ARHGAP44: variants seen among roughly 807,000 people sequenced by gnomAD.
ARHGAP44 encodes the protein Rho GTPase activating protein 44, also known as rho GTPase-activating protein 44.
In ARHGAP44, 43 loss-of-function variants were observed where a neutral mutation model predicts 106.8. That is an observed-to-expected ratio of 0.40 (90% CI 0.32 to 0.52). ARHGAP44 has a LOEUF of 0.52. ARHGAP44 is among the 20% of genes least tolerant of loss of function. The pLI, the probability that ARHGAP44 is intolerant of heterozygous loss-of-function variation, is 0.48. For synonymous variants in ARHGAP44, 439 were observed against 410.3 expected (o/e 1.07, Z -0.85); for missense variants, 866 against 1,050.5 (o/e 0.82, Z 2.43).
chr17:12,876,823 A>G (rs1389605076), intron 1 of ARHGAP44, among the ~76,000 whole-genome samples: 2 of 151,642 alleles, frequency 1.3e-5, no homozygotes, highest in South Asian at 4.2e-4. Flanking sequence ...AGGCAAGAGA[A>G]TCACTTGAAC....
At chr17:12,972,464 A>G (rs1218782337) in intron 16 of ARHGAP44, among the ~76,000 whole-genome samples, 1 of 151,808 alleles carries the variant, frequency 6.6e-6, no homozygotes, top group Non-Finnish European at 1.5e-5. Flanking sequence ...CCTGGCCAAG[A>G]TGGTTAAACC....
chr17:12,869,069 G>A (rs1021686398), intron 1 of ARHGAP44, among the ~76,000 whole-genome samples: 2 of 152,122 alleles, frequency 1.3e-5, no homozygotes, highest in African/African-American at 4.8e-5. Flanking sequence ...GACATTTGAG[G>A]TTAAAACATC....
intron 1 of ARHGAP44, among the ~76,000 whole-genome samples, chr17:12,840,678 A>G (rs2035364480): frequency 6.6e-6 from 1 of 152,204 alleles, no homozygotes; most frequent in South Asian, 2.1e-4. Flanking sequence ...TAGGGCTCCC[A>G]CTCATCATCA....
At chr17:12,940,786 C>G (rs966556639) in intron 7 of ARHGAP44, among the ~76,000 whole-genome samples, 3 of 152,178 alleles carry the variant, frequency 2.0e-5, no homozygotes, top group Non-Finnish European at 4.4e-5. Flanking sequence ...GCACATCACT[C>G]CTCTACACCA....
In ARHGAP44 at chr17:12,929,054, C is replaced by T. The variant is rs762777880; in HGVS notation, c.582+8C>T. 2.5e-6 allele frequency: 4 copies of T among 1,605,142 alleles called. No individual in the cohort carries two copies. Among genetic ancestry groups the T allele is most frequent in the Non-Finnish European group, 3.4e-6 (4 of 1,175,152 alleles). On this transcript the variant is annotated splice_region_variant and intron_variant, in intron 7 of 20. Transcript: ENST00000379672. ...AGAGTGGAGATTTGCAGGGTACCTGCCCTCTTTGCTCCTCTCTACTGGGAC... is the reference window on the plus strand; with the variant it reads ...AGAGTGGAGATTTGCAGGGTACCTGTCCTCTTTGCTCCTCTCTACTGGGAC...
At chr17:12,920,843 C>A (rs1419180037) in intron 6 of ARHGAP44, among the ~76,000 whole-genome samples, 1 of 152,140 alleles carries the variant, frequency 6.6e-6, no homozygotes, top group East Asian at 1.9e-4. Flanking sequence ...CCAGAGTCCA[C>A]CAGAAAATTC....
chr17:12,919,251 T>A (rs2038003373), intron 5 of ARHGAP44, among the ~76,000 whole-genome samples: 1 of 152,192 alleles, frequency 6.6e-6, no homozygotes, highest in Non-Finnish European at 1.5e-5. Context: ...ACCGTACACC[T>A]GAAATATATA....
chr17:12,968,041 C>T (rs542639692), intron 16 of ARHGAP44, among the ~76,000 whole-genome samples: 10 of 152,236 alleles, frequency 6.6e-5, no homozygotes, highest in African/African-American at 2.2e-4. Context: ...GAGCATTGAA[C>T]GAAATATTGC....
At chr17:12,851,604 T>C (rs1220321884) in intron 1 of ARHGAP44, among the ~76,000 whole-genome samples, 1 of 152,126 alleles carries the variant, frequency 6.6e-6, no homozygotes, top group African/African-American at 2.4e-5. Context: ...CCAGCTAAGT[T>C]GGTATTTTTA....
At chr17:12,981,493 G>C (rs2039828982) in intron 19 of ARHGAP44, among the ~76,000 whole-genome samples, 1 of 151,870 alleles carries the variant, frequency 6.6e-6, no homozygotes, top group Admixed American at 6.5e-5. Flanking sequence ...CGCCTCCTGG[G>C]TTCAAGCGAT....
intron 13 of ARHGAP44, among the ~76,000 whole-genome samples, chr17:12,953,665 T>C (rs1397983037): frequency 1.3e-5 from 2 of 152,232 alleles, no homozygotes; most frequent in South Asian, 2.1e-4. Flanking sequence ...GGTATGTTCA[T>C]GTAACGGATG....
chr17:12,904,586 G>A (rs537770429), intron 3 of ARHGAP44, among the ~76,000 whole-genome samples: 10 of 152,252 alleles, frequency 6.6e-5, no homozygotes, highest in African/African-American at 2.2e-4. Flanking sequence ...TCAATGATCT[G>A]TGTAACCATT....
In ARHGAP44 at chr17:12,853,250, G is replaced by A. The variant is rs181767552; in HGVS notation, c.54-41690G>A. Among the ~76,000 whole-genome samples the A allele has an allele frequency of 2.7e-3, 415 of 152,272 alleles. 3 individuals carry two copies. The highest frequency in any genetic ancestry group is 6.0e-3 in the Admixed American group (92 of 15,294). On this transcript the variant is annotated intron_variant, in intron 1 of 20. Coordinates refer to ENST00000379672, the MANE Select transcript of ARHGAP44 (RefSeq NM_014859.6). ...GCAGGAAGCCTCCAGCACGGGAGAA[G>A]GATGGAGGCCAGAAGACTCAGCAAA...
intron 3 of ARHGAP44, among the ~76,000 whole-genome samples, chr17:12,907,768 G>T (rs1317190251): frequency 6.6e-6 from 1 of 152,038 alleles, no homozygotes; most frequent in East Asian, 1.9e-4. Flanking sequence ...GAATAGTGTT[G>T]CTCTTCACAT....
intron 1 of ARHGAP44, among the ~76,000 whole-genome samples, chr17:12,838,151 A>T (rs2035290885): frequency 6.6e-6 from 1 of 152,176 alleles, no homozygotes; most frequent in East Asian, 1.9e-4. Flanking sequence ...TATACATCTT[A>T]TTTAAGAGTA....
At chr17:12,889,992 G>T (rs1195190676) in intron 1 of ARHGAP44, among the ~76,000 whole-genome samples, 1 of 152,220 alleles carries the variant, frequency 6.6e-6, no homozygotes, top group Non-Finnish European at 1.5e-5. Context: ...CTGGGGTGGA[G>T]GTTTTGACCT....
intron 16 of ARHGAP44, among the ~76,000 whole-genome samples, chr17:12,967,532 G>A (rs886499260): frequency 6.6e-6 from 1 of 151,962 alleles, no homozygotes; most frequent in African/African-American, 2.4e-5. Flanking sequence ...TTTCTCACAT[G>A]GTTTCCTTGC....
intron 10 of ARHGAP44, among the ~76,000 whole-genome samples, chr17:12,944,703 A>G (rs1226427250): frequency 6.9e-6 from 1 of 144,876 alleles, no homozygotes; most frequent in African/African-American, 2.6e-5. Context: ...GTTGGCCAGG[A>G]TGGTCTCGAT....
intron 4 of ARHGAP44, among the ~76,000 whole-genome samples, chr17:12,910,108 G>A (rs1301923020): frequency 6.6e-6 from 1 of 152,098 alleles, no homozygotes; most frequent in Non-Finnish European, 1.5e-5. Flanking sequence ...GATATTTTCA[G>A]GCAGATTTGA....
Sources: allele counts gnomAD v4.1 joint callset (sites outside exome capture counted in the v4.1 genomes callset), GRCh38; gene constraint gnomAD v4.1.1; transcripts MANE v1.5; gene names NCBI Gene and HGNC (gene_info 2026-07-23, HGNC 2026-07-21).